RAB44: variants seen among roughly 807,000 people sequenced by gnomAD.
RAB44 encodes the protein ras-related protein Rab-44.
Under a neutral mutation model 93.3 loss-of-function variants are expected in RAB44, and 67 were observed. The ratio of observed to expected loss-of-function variants is 0.72; its 90% confidence interval spans 0.59 to 0.88. The LOEUF is 0.88. RAB44 is among the 40% of genes least tolerant of loss of function. RAB44 has a pLI of 0.00. For synonymous variants in RAB44, 427 were observed against 520.3 expected, an observed-to-expected ratio of 0.82 and a Z score of 2.44; for missense variants, 1,064 against 1,261.7, an observed-to-expected ratio of 0.84 and a Z score of 2.37.
intron 10 of RAB44, 82 bp from the exon 11 acceptor site, chr6:36,727,495 A>G: frequency 2.4e-6 from 2 of 838,010 alleles, no homozygotes; most frequent in East Asian, 5.4e-5. Flanking sequence ...TAGAAGTAGG[A>G]TAGGTTACTT....
chr6:36,708,647 G>C (rs1218840332), intron 2 of RAB44, among the ~76,000 whole-genome samples: 12 of 152,078 alleles, frequency 7.9e-5, no homozygotes, highest in Non-Finnish European at 1.8e-4. Context: ...AGAGTAGATA[G>C]CTTTTTTATA....
intron 9 of RAB44, among the ~76,000 whole-genome samples, chr6:36,723,101 G>T (rs1391639140): frequency 6.6e-6 from 1 of 152,234 alleles, no homozygotes; most frequent in East Asian, 1.9e-4. Context: ...ACTAGCTCCA[G>T]GCTGGGCAGC....
Position 36,722,607 on chromosome 6 carries a change from G to C in RAB44, c.2473G>C (p.Gly825Arg). The C allele has an allele frequency of 6.4e-7, 1 of 1,550,604 alleles. No homozygotes were observed. Residue 825 changes from glycine to arginine, a missense_variant, in exon 9 of 14, where the codon GGA becomes CGA. Physicochemically the swap from Gly to Arg is moderately radical, Grantham distance 125 (BLOSUM62 -2). Coordinates refer to ENST00000612677, the MANE Select transcript of RAB44 (RefSeq NM_001257357.2). ...PSPGDPMAGG[G>R]PQANPDYLFH... ...CCCGGGAGACCCCATGGCTGGAGGG[G>C]GACCCCAGGCCAACCCTGATTACCT...
chr6:36,698,700 C>T (rs1015890398), intron 1 of RAB44, among the ~76,000 whole-genome samples: 1 of 151,884 alleles, frequency 6.6e-6, no homozygotes, highest in South Asian at 2.1e-4. Flanking sequence ...AGGAGAAGGG[C>T]GCTGGCAGGG....
intron 6 of RAB44, 56 bp from the exon 7 acceptor site, chr6:36,718,437 T>C (rs1471399702): frequency 3.1e-6 from 3 of 967,672 alleles, no homozygotes; most frequent in Non-Finnish European, 4.0e-6. Flanking sequence ...AGGGCTGGCC[T>C]GCCTGGCTAG....
At chr6:36,715,406 C>A in intron 3 of RAB44, 73 bp from the exon 4 acceptor site, 2 of 1,405,528 alleles carry the variant, frequency 1.4e-6, no homozygotes, top group Non-Finnish European at 1.9e-6. Context: ...AGGGCTGGAC[C>A]AGGGCTGGGT....
Position 36,731,470 on chromosome 6 carries a change from A to T in RAB44, c.2976-533A>T, listed in dbSNP as rs1052064767. On this transcript the variant is annotated intron_variant, in intron 13 of 13. Transcript: ENST00000612677. The surrounding 1 kb of genome is among the most constrained non-coding windows in gnomAD (Gnocchi z 4.0). Reference sequence around the variant, plus strand: ...TAAGGCATGAGGGGAGCTAGATCAGATGAGCACCATCTGGCACACAGTAAA... The same window carrying T: ...TAAGGCATGAGGGGAGCTAGATCAGTTGAGCACCATCTGGCACACAGTAAA... 6.6e-6 allele frequency among the ~76,000 whole-genome samples: 1 copy of T among 152,212 alleles called. No individual in the cohort carries two copies. Among genetic ancestry groups the T allele is most frequent in the Non-Finnish European group, 1.5e-5 (1 of 68,042 alleles).
At chr6:36,722,758 G>A (rs1332316408) in intron 9 of RAB44, 25 bp downstream of exon 9, 1 of 1,550,204 alleles carries the variant, frequency 6.5e-7, no homozygotes, top group Non-Finnish European at 8.7e-7. Flanking sequence ...GAGGGCGGCA[G>A]GGAGCAAGGA....
In RAB44 at chr6:36,731,045, G is replaced by A. The variant is rs1281877434; in HGVS notation, c.2975+296G>A. Among the ~76,000 whole-genome samples, 2 of 152,146 alleles carry A rather than the reference G, an allele frequency of 1.3e-5. No homozygotes were observed. Among genetic ancestry groups the A allele is most frequent in the East Asian group, 3.9e-4 (2 of 5,174 alleles). On this transcript the variant is annotated intron_variant, in intron 13 of 13. Transcript: ENST00000612677. This position sits in a 1 kb window ranked among gnomAD's most constrained non-coding sequence, Gnocchi z 4.0. ...TGCAAAGAGGGCTGAGAAAAGGAGT[G>A]TCTCTCTTCTGCTCCCAAACTTCCA...
chr6:36,725,772 G>A (rs1322913028), intron 9 of RAB44, 90 bp from the exon 10 acceptor site: 2 of 851,910 alleles, frequency 2.3e-6, no homozygotes, highest in South Asian at 2.9e-5. Context: ...ACCGCAGCTG[G>A]TACAGGGGAC....
In RAB44 at chr6:36,717,426, G is replaced by T. The variant is rs542575300; in HGVS notation, c.641+7G>T. On this transcript the variant is annotated splice_region_variant and intron_variant, in intron 5 of 13. Transcript: ENST00000612677. This position sits in a 1 kb window ranked among gnomAD's most constrained non-coding sequence, Gnocchi z 4.1. ...TGGAGCTGACCCTGAGGAAGTGAGT[G>T]GGGGGCCTGGCCGGGTGTCTGATAC... 162 of 1,231,868 alleles carry T rather than the reference G, an allele frequency of 1.3e-4. No homozygotes were observed. The highest frequency in any genetic ancestry group is 1.5e-4 in the Non-Finnish European group (144 of 987,948). The allele number at this position is 1,231,868 out of a possible 1,614,324, so 76.3% of individuals were successfully genotyped here. A position where few individuals can be genotyped will look rare whatever the true frequency, so the allele number is the denominator to read the frequency against.
chr6:36,699,079 C>T (rs545120580), intron 1 of RAB44, among the ~76,000 whole-genome samples: 8 of 152,076 alleles, frequency 5.3e-5, no homozygotes, highest in East Asian at 1.9e-4. Context: ...TTTGAGGTGG[C>T]GATGGCTGGA....
chr6:36,698,417 C>A (rs989667934), intron 1 of RAB44, among the ~76,000 whole-genome samples: 1 of 152,210 alleles, frequency 6.6e-6, no homozygotes, highest in Non-Finnish European at 1.5e-5. Flanking sequence ...TGCTGCCCCA[C>A]CCCACTCTTC....
rs977493398 is a variant in RAB44 at position 36,717,253 on chromosome 6, G to A, written c.495-20G>A. 6 of 1,231,968 alleles carry A rather than the reference G, an allele frequency of 4.9e-6. No homozygotes were observed. Among genetic ancestry groups the A allele is most frequent in the Admixed American group, 8.4e-5 (2 of 23,688 alleles). 76.3% of individuals were successfully genotyped at this position (1,231,968 alleles called of 1,614,324 possible). A position where few individuals can be genotyped will look rare whatever the true frequency, so the allele number is the denominator to read the frequency against. On this transcript the variant is annotated intron_variant, in intron 4 of 13. Coordinates refer to ENST00000612677, the MANE Select transcript of RAB44 (RefSeq NM_001257357.2). The surrounding 1 kb of genome is among the most constrained non-coding windows in gnomAD (Gnocchi z 4.1). ...CCTTGTGTCTGACCCTCCCATCTCT[G>A]GCTGTCTTCCCCTCCCCAGGCAGAT...
At chr6:36,708,786 A>T (rs1477645544) in intron 2 of RAB44, among the ~76,000 whole-genome samples, 1 of 152,148 alleles carries the variant, frequency 6.6e-6, no homozygotes, top group Non-Finnish European at 1.5e-5. Flanking sequence ...GAAGCTAAAC[A>T]GTAGCCTCTT....
intron 2 of RAB44, 41 bp from the exon 3 acceptor site, chr6:36,713,787 C>T (rs905426989): frequency 1.6e-6 from 2 of 1,285,178 alleles, no homozygotes; most frequent in Non-Finnish European, 2.2e-6. Context: ...TGAGAGCCTT[C>T]CCCGGTGGGA....
chr6:36,711,255 A>T (rs1029888603), intron 2 of RAB44, among the ~76,000 whole-genome samples: 2 of 152,354 alleles, frequency 1.3e-5, no homozygotes, highest in Non-Finnish European at 1.5e-5. Context: ...GCACAAATTT[A>T]CATGTTTATA....
At chr6:36,719,078 C>A (rs911116605) in intron 7 of RAB44, among the ~76,000 whole-genome samples, 1 of 152,152 alleles carries the variant, frequency 6.6e-6, no homozygotes, top group Non-Finnish European at 1.5e-5. Context: ...CATCACTGCG[C>A]CCAGCTAATT....
At chr6:36,714,258 A>G (rs116239549) in intron 3 of RAB44, among the ~76,000 whole-genome samples, 1 of 152,210 alleles carries the variant, frequency 6.6e-6, no homozygotes. Flanking sequence ...TCCATGGGCC[A>G]GGGAGCAGCA....
Sources: allele counts gnomAD v4.1 joint callset (sites outside exome capture counted in the v4.1 genomes callset), GRCh38; gene constraint gnomAD v4.1.1; non-coding constraint Gnocchi (gnomAD v3.1); transcripts MANE v1.5; gene names NCBI Gene and HGNC (gene_info 2026-07-23, HGNC 2026-07-21).